NBEA: variants seen among roughly 807,000 people sequenced by gnomAD.
The protein encoded by NBEA is neurobeachin.
Under a neutral mutation model 343.4 loss-of-function variants are expected in NBEA, and 44 were observed. The observed-to-expected ratio is 0.13, with a 90% CI of 0.10 to 0.16. The LOEUF (loss-of-function observed/expected upper bound fraction) is 0.16. Ranked by LOEUF, NBEA falls within the 10% of genes least tolerant of loss-of-function variation. NBEA has a pLI of 1.00. For missense variants in NBEA, 2,555 were observed against 3,631.3 expected (o/e 0.70, Z 7.62); for synonymous variants, 1,175 against 1,238.7 (o/e 0.95, Z 1.08).
Position 35,413,274 on chromosome 13 carries a change from A to G in NBEA, c.6180-18995A>G, listed in dbSNP as rs1156408261. Among the ~76,000 whole-genome samples the G allele has an allele frequency of 2.0e-5, 3 of 152,184 alleles. No individual in the cohort carries two copies. In the East Asian group the frequency reaches 5.8e-4, roughly 29 times the overall value. ...GTTTTTGTTTAATCTTGGTAGGATT[A>G]GAATTCATGCACAGAAGTCCTGACC... On this transcript the variant is annotated intron_variant, in intron 38 of 58. Coordinates refer to ENST00000379939, the MANE Select transcript of NBEA (RefSeq NM_001385012.1).
chr13:35,034,684 C>CT, intron 1 of NBEA, among the ~76,000 whole-genome samples: 1 of 151,678 alleles, frequency 6.6e-6, no homozygotes, highest in Admixed American at 6.6e-5. Context: ...TACTGGGAGA[C>CT]TTTTATTACA....
intron 51 of NBEA, among the ~76,000 whole-genome samples, chr13:35,647,192 A>G (rs937826689): frequency 2.0e-4 from 30 of 152,324 alleles, no homozygotes; most frequent in African/African-American, 7.2e-4. Flanking sequence ...AGTAATTTGA[A>G]GAAGGTAAAA....
intron 38 of NBEA, among the ~76,000 whole-genome samples, chr13:35,389,551 T>G (rs2042399878): frequency 6.6e-6 from 1 of 152,106 alleles, no homozygotes; most frequent in South Asian, 2.1e-4. Flanking sequence ...ATCTAGTATT[T>G]TCTTAAAATT....
chr13:35,039,989 A>G (rs1469361192), intron 1 of NBEA, among the ~76,000 whole-genome samples: 1 of 152,186 alleles, frequency 6.6e-6, no homozygotes, highest in Non-Finnish European at 1.5e-5. Context: ...TATCTTGGAC[A>G]TTCATATATT....
chr13:35,557,577 G>T (rs113912454), intron 44 of NBEA, among the ~76,000 whole-genome samples: 1 of 151,832 alleles, frequency 6.6e-6, no homozygotes, highest in African/African-American at 2.4e-5. Flanking sequence ...AGATTATATG[G>T]GCCACTGATT....
chr13:35,258,993 A>G (rs1421363013), intron 34 of NBEA, among the ~76,000 whole-genome samples: 1 of 152,172 alleles, frequency 6.6e-6, no homozygotes, highest in Non-Finnish European at 1.5e-5. Context: ...TAGGTTAGCT[A>G]TATTAAATAA....
At chr13:35,189,128 A>C (rs2071980846) in intron 30 of NBEA, among the ~76,000 whole-genome samples, 1 of 151,944 alleles carries the variant, frequency 6.6e-6, no homozygotes, top group Admixed American at 6.6e-5. Context: ...CATCTTGGCC[A>C]GGCTGGGCTT....
chr13:35,438,121 A>G (rs1755552356), intron 39 of NBEA, among the ~76,000 whole-genome samples: 1 of 152,166 alleles, frequency 6.6e-6, no homozygotes, highest in South Asian at 2.1e-4. Flanking sequence ...TGAGGAAAAA[A>G]AAAACATGGA....
chr13:35,558,690 C>T (rs1402610122), intron 44 of NBEA, among the ~76,000 whole-genome samples: 1 of 152,142 alleles, frequency 6.6e-6, no homozygotes, highest in Non-Finnish European at 1.5e-5. Flanking sequence ...AATCAGAAGC[C>T]GGCAACCTGC....
At chr13:35,542,817 G>A (rs941664108) in intron 41 of NBEA, among the ~76,000 whole-genome samples, 125 of 152,090 alleles carry the variant, frequency 8.2e-4, no homozygotes, top group Middle Eastern at 3.5e-3. Context: ...AATAAGTAGA[G>A]TAGTGATTGA....
intron 47 of NBEA, among the ~76,000 whole-genome samples, chr13:35,602,107 T>A (rs1160381418): frequency 6.6e-6 from 1 of 152,190 alleles, no homozygotes; most frequent in Non-Finnish European, 1.5e-5. Context: ...CAGGTAACAT[T>A]TAAGTTGATT....
At chr13:35,040,196 C>T (rs943756347) in intron 1 of NBEA, among the ~76,000 whole-genome samples, 17 of 152,076 alleles carry the variant, frequency 1.1e-4, no homozygotes, top group African/African-American at 2.7e-4. Context: ...CTATGGGATT[C>T]GATCAACAGA....
intron 1 of NBEA, among the ~76,000 whole-genome samples, chr13:34,965,672 C>T (rs531791214): frequency 6.6e-6 from 1 of 152,042 alleles, no homozygotes; most frequent in East Asian, 1.9e-4. Context: ...ACATCTATCT[C>T]TCAACCTCAG....
At chr13:35,345,771 G>A (rs1393993467) in intron 36 of NBEA, among the ~76,000 whole-genome samples, 1 of 152,018 alleles carries the variant, frequency 6.6e-6, no homozygotes, top group South Asian at 2.1e-4. Context: ...AGAGGAAAGA[G>A]AGCAGCAAGG....
At chr13:34,972,838 T>C (rs1344727999) in intron 1 of NBEA, among the ~76,000 whole-genome samples, 1 of 152,170 alleles carries the variant, frequency 6.6e-6, no homozygotes, top group Non-Finnish European at 1.5e-5. Flanking sequence ...CTTCTGCCCT[T>C]TCAGCCATCT....
intron 6 of NBEA, among the ~76,000 whole-genome samples, chr13:35,051,999 C>G (rs2063080450): frequency 6.6e-6 from 1 of 151,998 alleles, no homozygotes; most frequent in Non-Finnish European, 1.5e-5. Context: ...GTCTTCTTCA[C>G]TGTTCACTTT....
intron 1 of NBEA, among the ~76,000 whole-genome samples, chr13:34,968,193 G>A (rs1371371065): frequency 6.6e-6 from 1 of 152,080 alleles, no homozygotes; most frequent in Non-Finnish European, 1.5e-5. Context: ...GCCCTTACTG[G>A]GCACACCACC....
chr13:34,989,638 C>G (rs1232750293), intron 1 of NBEA, among the ~76,000 whole-genome samples: 1 of 150,798 alleles, frequency 6.6e-6, no homozygotes, highest in African/African-American at 2.4e-5. Context: ...GGTGGGGACA[C>G]AGAGCCAAAC....
At chr13:35,290,642 T>C (rs1340673806) in intron 35 of NBEA, among the ~76,000 whole-genome samples, 192 bp downstream of exon 35, 2 of 151,414 alleles carry the variant, frequency 1.3e-5, no homozygotes, top group Non-Finnish European at 3.0e-5. Flanking sequence ...AATATTGACT[T>C]ATTCTCCCTC....
Sources: allele counts gnomAD v4.1 joint callset (sites outside exome capture counted in the v4.1 genomes callset), GRCh38; gene constraint gnomAD v4.1.1; transcripts MANE v1.5; gene names NCBI Gene and HGNC (gene_info 2026-07-23, HGNC 2026-07-21).